KLHL4: variants seen among roughly 807,000 people sequenced by gnomAD.
KLHL4 encodes kelch like family member 4, also known as kelch-like protein 4.
A neutral mutation model predicts 45.8 loss-of-function variants in KLHL4; 17 were observed. The observed-to-expected ratio is 0.37, with a 90% CI of 0.25 to 0.56. KLHL4 has a LOEUF of 0.56. Ranked by LOEUF, KLHL4 falls within the 20% of genes least tolerant of loss-of-function variation. KLHL4 has a pLI of 0.79. For missense variants in KLHL4, 544 were observed against 544.9 expected (o/e 1.00, Z 0.02); for synonymous variants, 224 against 189.9 (o/e 1.18, Z -1.47).
At position 87,545,855 on chromosome X, in the gene KLHL4, G is replaced by A. The variant is rs185533137; in HGVS notation, c.422+27540G>A. Among the ~76,000 whole-genome samples, 97 of 111,359 alleles carry A rather than the reference G, an allele frequency of 8.7e-4. 1 individual carries two copies. Among genetic ancestry groups the A allele is most frequent in the South Asian group, 7.2e-3 (19 of 2,635 alleles). On this transcript the variant is annotated intron_variant, in intron 1 of 10. Coordinates refer to ENST00000373119, the MANE Select transcript of KLHL4 (RefSeq NM_019117.5). ...TGAGGTGGTCTCAGATGTGGATGAA[G>A]AACTTATTGGGAACCGGTGTAAAGG... is the stretch of plus-strand genomic sequence containing the variant.
intron 4 of KLHL4, among the ~76,000 whole-genome samples, chrX:87,621,494 A>AT (rs1203204517): frequency 4.5e-5 from 4 of 88,172 alleles, no homozygotes; most frequent in South Asian, 5.0e-4. Flanking sequence ...ATTTATTATT[A>AT]TTTTTTTTGA....
intron 1 of KLHL4, among the ~76,000 whole-genome samples, chrX:87,592,277 T>C (rs1357956929): frequency 8.9e-6 from 1 of 112,076 alleles, no homozygotes; most frequent in Admixed American, 9.5e-5. Flanking sequence ...GACACTTACA[T>C]GGATTTCAAA....
intron 1 of KLHL4, among the ~76,000 whole-genome samples, chrX:87,584,990 C>A (rs1342122609): frequency 9.1e-6 from 1 of 109,909 alleles, no homozygotes; most frequent in Non-Finnish European, 1.9e-5. Flanking sequence ...AGAAAAGAAA[C>A]AAGTAACATT....
At chrX:87,567,018 G>T (rs945941232) in intron 1 of KLHL4, among the ~76,000 whole-genome samples, 2 of 110,074 alleles carry the variant, frequency 1.8e-5, no homozygotes, top group Admixed American at 9.8e-5. Context: ...CCCATGACAC[G>T]TTTACCTATG....
chrX:87,652,434 T>C (rs1231828156), intron 9 of KLHL4, among the ~76,000 whole-genome samples: 8 of 112,490 alleles, frequency 7.1e-5, no homozygotes, highest in Non-Finnish European at 1.5e-4. Context: ...AACTGAATGC[T>C]AATAGCACCT....
intron 10 of KLHL4, among the ~76,000 whole-genome samples, chrX:87,665,233 A>G (rs994228375): frequency 2.7e-5 from 3 of 111,311 alleles, no homozygotes; most frequent in African/African-American, 9.8e-5. Context: ...AGCGAATCCA[A>G]TAAAATACTT....
Position 87,622,274 on chromosome X carries a change from A to G in KLHL4, c.988A>G (p.Lys330Glu), listed in dbSNP as rs1922774415. Residue 330 changes from lysine (K) to glutamate (E), a missense_variant, in exon 5 of 11, where the codon AAA becomes GAA. Lys to Glu is a moderately conservative substitution (Grantham distance 56). Transcript: ENST00000373119. ...CCTGCTTCCAGCTAATGAAATTTCAAAACTTCTGTGCAGTGATGACATTAA... is the reference window on the plus strand; with the variant it reads ...CCTGCTTCCAGCTAATGAAATTTCAGAACTTCTGTGCAGTGATGACATTAA... Reference protein sequence around the residue: ...FLLLPANEISKLLCSDDINVP... With the variant: ...FLLLPANEISELLCSDDINVP... The G allele has an allele frequency of 1.7e-6, 2 of 1,209,463 alleles. No homozygotes were observed. The highest frequency in any genetic ancestry group is 4.4e-5 in the Admixed American group (2 of 45,959).
chrX:87,583,239 G>A (rs1439533851), intron 1 of KLHL4, among the ~76,000 whole-genome samples: 1 of 111,666 alleles, frequency 9.0e-6, no homozygotes, highest in East Asian at 2.9e-4. Context: ...CAATCCTCTT[G>A]TAAGACAGAA....
chrX:87,627,878 C>T (rs1376987106), intron 6 of KLHL4, among the ~76,000 whole-genome samples: 1 of 110,418 alleles, frequency 9.1e-6, no homozygotes, highest in Non-Finnish European at 1.9e-5. Context: ...TTTTTTCGGG[C>T]TAATCTTGGT....
At chrX:87,603,628 A>G (rs1922088423) in intron 1 of KLHL4, among the ~76,000 whole-genome samples, 1 of 111,204 alleles carries the variant, frequency 9.0e-6, no homozygotes, top group South Asian at 3.7e-4. Flanking sequence ...AAATACATAT[A>G]TGTTATATAA....
chrX:87,584,151 G>A (rs1921381032), intron 1 of KLHL4, among the ~76,000 whole-genome samples: 1 of 111,994 alleles, frequency 8.9e-6, no homozygotes, highest in Non-Finnish European at 1.9e-5. Context: ...CAGTTCTACT[G>A]GGCTTGAGGT....
At chrX:87,657,675 G>T (rs760520234) in intron 9 of KLHL4, among the ~76,000 whole-genome samples, 3 of 111,556 alleles carry the variant, frequency 2.7e-5, no homozygotes, top group Non-Finnish European at 5.7e-5. Flanking sequence ...ACAGGCAGCT[G>T]GGGTGGTGGT....
chrX:87,531,073 G>T, intron 1 of KLHL4, among the ~76,000 whole-genome samples: 1 of 111,802 alleles, frequency 8.9e-6, no homozygotes. Flanking sequence ...GTCTTCTTTT[G>T]AGAAGTGTCT....
rs190086386 is a variant in KLHL4 at position 87,621,033 on chromosome X, T to C, written c.925-1178T>C. Among the ~76,000 whole-genome samples the C allele has an allele frequency of 9.4e-4, 104 of 111,142 alleles. 1 individual carries two copies. The highest frequency in any genetic ancestry group is 3.3e-3 in the African/African-American group (99 of 29,862). The stretch of plus-strand genomic sequence containing the variant: ...GAGTTATTTGTCTAAATAGGCCAGT[T>C]TGAAACTTACGGCATCAGAGCTTTC... On this transcript the variant is annotated intron_variant, in intron 4 of 10. Coordinates refer to ENST00000373119, the MANE Select transcript of KLHL4 (RefSeq NM_019117.5).
At chrX:87,633,654 CA>C (rs1306220804) in intron 7 of KLHL4, 94 bp from the exon 8 acceptor site, 4 of 752,641 alleles carry the variant, frequency 5.3e-6, no homozygotes, top group African/African-American at 4.3e-5. Flanking sequence ...ATAAGCAAAA[CA>C]AAAAAATTTA....
rs374378095 is a variant in KLHL4 at position 87,622,331 on chromosome X, C to G, written c.1045C>G (p.Leu349Val). 4.2e-5 allele frequency: 51 copies of G among 1,206,438 alleles called. No homozygotes were observed. In the Middle Eastern group the frequency reaches 1.4e-3, roughly 33 times the overall value. The change falls in exon 5 of 11, where the codon CTA becomes GTA. Residue 349 changes from leucine to valine, a missense_variant. Coordinates refer to ENST00000373119, the MANE Select transcript of KLHL4 (RefSeq NM_019117.5). Reference protein sequence around the residue: ...VPDEETIFHALMQWVGHDVQN... With the variant: ...VPDEETIFHAVMQWVGHDVQN... ...TGATGAAGAGACCATTTTTCATGCT[C>G]TAATGCAGTGGGTGGGGCATGATGT...
chrX:87,604,865 G>C (rs1184620290), intron 1 of KLHL4, among the ~76,000 whole-genome samples: 5 of 111,209 alleles, frequency 4.5e-5, no homozygotes, highest in Non-Finnish European at 7.6e-5. Flanking sequence ...CAGAGCATTT[G>C]CACTATGTTC....
intron 9 of KLHL4, among the ~76,000 whole-genome samples, chrX:87,663,218 C>T (rs546272706): frequency 5.4e-5 from 6 of 110,984 alleles, no homozygotes; most frequent in Admixed American, 9.6e-5. Context: ...GACCATGACT[C>T]ATTCTCTTGA....
At position 87,669,505 on chromosome X, in the gene KLHL4, T is replaced by C. The variant is rs1924493064; in HGVS notation, c.*2971T>C. Reference sequence around the variant, plus strand: ...CTGAAAGACAGTTTCCTTCTGGAGTTCCAAATGCAATATAGAAAAAAAAAC... The same window carrying C: ...CTGAAAGACAGTTTCCTTCTGGAGTCCCAAATGCAATATAGAAAAAAAAAC... On this transcript the variant is annotated 3_prime_UTR_variant, in exon 11 of 11. Transcript: ENST00000373119. The C allele has an allele frequency of 1.1e-6, 1 of 945,626 alleles. No homozygotes were observed. Among genetic ancestry groups the C allele is most frequent in the Admixed American group, 3.8e-5 (1 of 26,227 alleles). 77.9% of individuals were successfully genotyped at this position (945,626 alleles called of 1,213,427 possible).
Sources: gnomAD v4.1 joint callset for allele counts (sites outside exome capture counted in the v4.1 genomes callset) on GRCh38, gnomAD v4.1.1 for gene constraint, MANE v1.5 for transcripts, NCBI Gene and HGNC (gene_info 2026-07-23, HGNC 2026-07-21) for gene names.